CAMTA1: variants seen among roughly 807,000 people sequenced by gnomAD.
The protein encoded by CAMTA1 is calmodulin binding transcription activator 1.
In CAMTA1, 27 loss-of-function variants were observed where a neutral mutation model predicts 170.9. The ratio of observed to expected loss-of-function variants is 0.16; its 90% CI spans 0.12 to 0.22. The LOEUF (loss-of-function observed/expected upper bound fraction) is 0.22, where lower values mean the gene tolerates loss of function less well. CAMTA1 is among the 10% of genes least tolerant of loss of function. The pLI is 1.00. For synonymous variants in CAMTA1, 833 were observed against 891.5 expected (o/e 0.93, Z 1.17); for missense variants, 1,619 against 2,217.2 (o/e 0.73, Z 5.42).
chr1:7,554,948 A>T (rs1237860872), intron 6 of CAMTA1, among the ~76,000 whole-genome samples: 4 of 151,986 alleles, frequency 2.6e-5, no homozygotes, highest in Admixed American at 2.0e-4. Flanking sequence ...GCAATCTGCT[A>T]ATGGAGGCGA....
chr1:7,281,725 T>C (rs1671530618), intron 5 of CAMTA1, among the ~76,000 whole-genome samples: 1 of 152,190 alleles, frequency 6.6e-6, no homozygotes, highest in African/African-American at 2.4e-5. Flanking sequence ...TTAAGTGGTT[T>C]TTAAATTATC....
At chr1:7,220,285 G>T (rs927469458) in intron 4 of CAMTA1, among the ~76,000 whole-genome samples, 1 of 152,224 alleles carries the variant, frequency 6.6e-6, no homozygotes, top group Non-Finnish European at 1.5e-5. Flanking sequence ...TATTATAGTA[G>T]AGAAATCCCA....
intron 3 of CAMTA1, among the ~76,000 whole-genome samples, chr1:6,977,484 G>C (rs548036635): frequency 6.6e-6 from 1 of 152,072 alleles, no homozygotes; most frequent in African/African-American, 2.4e-5. Flanking sequence ...GGGACTACAC[G>C]TGCGTGCCAC....
At chr1:6,947,325 T>C (rs897264035) in intron 3 of CAMTA1, among the ~76,000 whole-genome samples, 1 of 152,192 alleles carries the variant, frequency 6.6e-6, no homozygotes, top group Admixed American at 6.5e-5. Flanking sequence ...TATATGGGAA[T>C]GCATCCCATG....
intron 3 of CAMTA1, among the ~76,000 whole-genome samples, chr1:6,888,870 G>A (rs1673911361): frequency 6.6e-6 from 1 of 151,638 alleles, no homozygotes; most frequent in Non-Finnish European, 1.5e-5. Context: ...CAAGGAGACA[G>A]TATCCTGTGA....
chr1:7,655,836 C>G (rs1377880386), intron 7 of CAMTA1, among the ~76,000 whole-genome samples: 1 of 152,176 alleles, frequency 6.6e-6, no homozygotes, highest in African/African-American at 2.4e-5. Flanking sequence ...GGACCTTTAG[C>G]CACAGAGCCT....
intron 3 of CAMTA1, among the ~76,000 whole-genome samples, chr1:6,916,341 G>A (rs1459227873): frequency 6.6e-6 from 1 of 152,168 alleles, no homozygotes; most frequent in Non-Finnish European, 1.5e-5. Flanking sequence ...TGAGTTAGGA[G>A]TGCCAGGAAT....
At chr1:7,415,663 G>A (rs1160979317) in intron 5 of CAMTA1, among the ~76,000 whole-genome samples, 3 of 152,188 alleles carry the variant, frequency 2.0e-5, no homozygotes, top group Non-Finnish European at 2.9e-5. Flanking sequence ...TTCTGCACAT[G>A]AGATGGGTTT....
At chr1:6,902,087 A>AT (rs1557794029) in intron 3 of CAMTA1, among the ~76,000 whole-genome samples, 21 of 150,380 alleles carry the variant, frequency 1.4e-4, no homozygotes, top group African/African-American at 5.0e-4. Flanking sequence ...AAAAAAATAA[A>AT]AATAAAAACT....
At chr1:7,375,632 C>T (rs2086788505) in intron 5 of CAMTA1, among the ~76,000 whole-genome samples, 1 of 152,206 alleles carries the variant, frequency 6.6e-6, no homozygotes, top group Non-Finnish European at 1.5e-5. Flanking sequence ...CAGGCCGGGC[C>T]TTCCCCTGTG....
At chr1:6,908,050 G>C (rs962159358) in intron 3 of CAMTA1, among the ~76,000 whole-genome samples, 1 of 152,064 alleles carries the variant, frequency 6.6e-6, no homozygotes, top group Non-Finnish European at 1.5e-5. Flanking sequence ...TCCCTCAGAC[G>C]TGCCAAGTAA....
chr1:7,411,214 G>A (rs1273544613), intron 5 of CAMTA1, among the ~76,000 whole-genome samples: 1 of 152,150 alleles, frequency 6.6e-6, no homozygotes, highest in Non-Finnish European at 1.5e-5. Context: ...GGCCGCGTCG[G>A]ACCCTGGGAT....
intron 3 of CAMTA1, among the ~76,000 whole-genome samples, chr1:6,937,538 C>T (rs1685600657): frequency 9.0e-6 from 1 of 111,052 alleles, no homozygotes; most frequent in African/African-American, 3.6e-5. Context: ...CATCACCATT[C>T]ACCACTTACC....
chr1:6,852,942 T>G (rs1241382212), intron 3 of CAMTA1: 2 of 151,910 alleles, frequency 1.3e-5, no homozygotes, highest in Non-Finnish European at 2.9e-5. Context: ...CTCCCGAGAG[T>G]CCTCTCATCA....
At chr1:7,081,710 T>A (rs1640034252) in intron 3 of CAMTA1, among the ~76,000 whole-genome samples, 1 of 152,220 alleles carries the variant, frequency 6.6e-6, no homozygotes, top group Non-Finnish European at 1.5e-5. Context: ...TCTGGAGCTC[T>A]CAGGCCCATC....
At chr1:7,697,235 G>T (rs1362265911) in intron 11 of CAMTA1, among the ~76,000 whole-genome samples, 3 of 152,008 alleles carry the variant, frequency 2.0e-5, no homozygotes, top group Admixed American at 2.0e-4. Context: ...GGTGATTTCC[G>T]GGTTCTATCC....
At chr1:6,925,032 A>G (rs1199285166) in intron 3 of CAMTA1, among the ~76,000 whole-genome samples, 1 of 152,176 alleles carries the variant, frequency 6.6e-6, no homozygotes, top group Non-Finnish European at 1.5e-5. Context: ...TGACAACTTT[A>G]TCTGGCCTTG....
At chr1:7,016,198 C>G (rs886146462) in intron 3 of CAMTA1, among the ~76,000 whole-genome samples, 1 of 152,162 alleles carries the variant, frequency 6.6e-6, no homozygotes, top group Non-Finnish European at 1.5e-5. Context: ...GCTTCTTTCC[C>G]TCAGCCTGAC....
intron 11 of CAMTA1, among the ~76,000 whole-genome samples, chr1:7,721,096 A>G (rs957587444): frequency 2.6e-5 from 4 of 152,236 alleles, no homozygotes; most frequent in African/African-American, 9.6e-5. Context: ...GAATGGTGCT[A>G]GGGATACAAG....
Sources: allele counts gnomAD v4.1 joint callset (sites outside exome capture counted in the v4.1 genomes callset), GRCh38; gene constraint gnomAD v4.1.1; transcripts MANE v1.5; gene names NCBI Gene and HGNC (gene_info 2026-07-23, HGNC 2026-07-21).